The following ARHGEF11 variants were observed in gnomAD, a reference collection of about 807,000 sequenced individuals.
ARHGEF11 encodes the protein Rho guanine nucleotide exchange factor 11.
A neutral mutation model predicts 193.7 loss-of-function variants in ARHGEF11; 55 were observed. The ratio of observed to expected loss-of-function variants is 0.28; its 90% CI spans 0.23 to 0.36. The LOEUF (loss-of-function observed/expected upper bound fraction) is 0.36, where lower values mean the gene tolerates loss of function less well. Among genes scored for constraint, ARHGEF11 ranks in the 10% least tolerant of loss-of-function variants. The probability of loss-of-function intolerance (pLI) is 1.00; values close to 1 mark genes in which losing one functional copy is unlikely to be tolerated. For synonymous variants in ARHGEF11, 693 were observed against 768.0 expected (o/e 0.90, Z 1.62); for missense variants, 1,723 against 2,005.6 (o/e 0.86, Z 2.69).
chr1:156,945,727 C>T, intron 29 of ARHGEF11: 1 of 317,228 alleles, frequency 3.2e-6, no homozygotes, highest in South Asian at 4.1e-5. Context: ...TAAAATCCAG[C>T]CCCATGCAAC....
In ARHGEF11 at chr1:156,945,180, C is replaced by T. The variant is rs1233308430; in HGVS notation, c.2830G>A (p.Glu944Lys). Residue 944 changes from glutamate to lysine, a missense_variant, in exon 30 of 41, where the codon GAG (glutamate) becomes AAG (lysine). Physicochemically the swap from Glu to Lys is moderately conservative, Grantham distance 56 (BLOSUM62 1). Coordinates refer to ENST00000368194, the MANE Select transcript of ARHGEF11 (RefSeq NM_198236.3). ...KHTEGGTSEH[E>K]KLCRARDQCR... The stretch of plus-strand genomic sequence containing the variant: ...TGGTCCCGGGCCCGGCACAGCTTCT[C>T]ATGCTCAGAGGTGCCACCTACCAAA... 1.2e-6 allele frequency: 2 copies of T among 1,613,948 alleles called. No homozygotes were observed. Among genetic ancestry groups the T allele is most frequent in the Non-Finnish European group, 8.5e-7 (1 of 1,179,904 alleles).
At position 156,938,518 on chromosome 1, in the gene ARHGEF11, AC is replaced by A; in HGVS notation, c.4097-6del. 11 of 1,611,428 alleles carry A rather than the reference AC, an allele frequency of 6.8e-6. No individual in the cohort carries two copies. Among genetic ancestry groups the A allele is most frequent in the Non-Finnish European group, 8.5e-6 (10 of 1,178,310 alleles). The stretch of plus-strand genomic sequence containing the variant: ...CCTTGCTGCCTGCCACCTCAGCTGC[AC>A]CGACACCACCACCACCAGGAAGAGG... On this transcript the variant is annotated splice_region_variant and splice_polypyrimidine_tract_variant and intron_variant, in intron 37 of 40. Coordinates refer to ENST00000368194, the MANE Select transcript of ARHGEF11 (RefSeq NM_198236.3).
At chr1:156,998,436 G>C (rs1666822139) in intron 1 of ARHGEF11, among the ~76,000 whole-genome samples, 1 of 152,226 alleles carries the variant, frequency 6.6e-6, no homozygotes, top group African/African-American at 2.4e-5. Flanking sequence ...AGTTAGAACA[G>C]GCCTGGCTCT....
intron 34 of ARHGEF11, 138 bp downstream of exon 34, chr1:156,941,726 G>T (rs1039340947): frequency 7.7e-7 from 1 of 1,306,866 alleles, no homozygotes; most frequent in East Asian, 2.3e-5. Context: ...CCATCTGCCA[G>T]CACTTGGAGC....
intron 1 of ARHGEF11, among the ~76,000 whole-genome samples, chr1:157,030,699 C>T (rs1038698010): frequency 5.9e-5 from 9 of 152,020 alleles, no homozygotes; most frequent in African/African-American, 2.2e-4. Context: ...AAAAAAAAAT[C>T]CCAACTCCAT....
Position 156,946,115 on chromosome 1 carries a change from G to A in ARHGEF11, c.2742C>T (p.Leu914=). The A allele has an allele frequency of 3.1e-6, 5 of 1,613,646 alleles. No individual in the cohort carries two copies. The highest frequency in any genetic ancestry group is 1.7e-4 in the Middle Eastern group (1 of 6,048). ...TGAGCCGCTGCATCTCAGAGATGATGAGGTCTCTCAGCTGCAGCCGCCGAC... is the reference window on the plus strand; with the variant it reads ...TGAGCCGCTGCATCTCAGAGATGATAAGGTCTCTCAGCTGCAGCCGCCGAC... ...PQCRRLQLRD[L]IISEMQRLTK... is the part of the protein sequence containing the mutation. The change falls in exon 29 of 41, where the codon CTC becomes CTT. Residue 914 remains leucine (L), a synonymous_variant. Transcript: ENST00000368194.
chr1:156,967,889 T>A, intron 11 of ARHGEF11, 98 bp downstream of exon 11: 2 of 1,568,434 alleles, frequency 1.3e-6, no homozygotes, highest in Non-Finnish European at 1.7e-6. Context: ...AAGCAGGGGT[T>A]TAGTCTGATG....
chr1:157,000,287 A>G lies in ARHGEF11; in HGVS notation c.33-14114T>C, dbSNP rs550487061. On this transcript the variant is annotated intron_variant, in intron 1 of 40. Coordinates refer to ENST00000368194, the MANE Select transcript of ARHGEF11 (RefSeq NM_198236.3). ...CCTACAGGCATATCTTGTTTTACCT[A>G]ATGTTTTCCTGAAAAGATAAGTAAA... Among the ~76,000 whole-genome samples, 207 of 152,308 alleles carry G rather than the reference A, an allele frequency of 1.4e-3. 1 individual carries two copies. The highest frequency in any genetic ancestry group is 3.4e-3 in the Middle Eastern group (1 of 294).
At chr1:156,952,212 T>A (rs2102005855) in intron 21 of ARHGEF11, among the ~76,000 whole-genome samples, 1 of 152,242 alleles carries the variant, frequency 6.6e-6, no homozygotes, top group Non-Finnish European at 1.5e-5. Flanking sequence ...CACTACAGAA[T>A]CAGACTCTTT....
Position 156,944,724 on chromosome 1 carries a change from T to C in ARHGEF11, c.2992-291A>G, listed in dbSNP as rs902712454. Among the ~76,000 whole-genome samples the C allele has an allele frequency of 3.9e-5, 6 of 152,304 alleles. 1 individual carries two copies. In the South Asian group the frequency reaches 1.2e-3, roughly 32 times the overall value. On this transcript the variant is annotated intron_variant, in intron 30 of 40. Coordinates refer to ENST00000368194, the MANE Select transcript of ARHGEF11 (RefSeq NM_198236.3). ...GATCACATACTGCTTTTCCTGCCCA[T>C]GCCTCCAGCTCTATTCCCTCCCAGA...
chr1:156,970,533 A>G (rs12134308), intron 8 of ARHGEF11, among the ~76,000 whole-genome samples: 29,702 of 152,136 alleles, frequency 0.2, 3,052 homozygotes, highest in East Asian at 0.33. Context: ...TAATCTTTCA[A>G]TGGCTCTGGC....
At chr1:157,035,904 TATGAATCTATATA>T (rs1671914826) in intron 1 of ARHGEF11, among the ~76,000 whole-genome samples, 2 of 47,670 alleles carry the variant, frequency 4.2e-5, no homozygotes, top group South Asian at 5.9e-4. Flanking sequence ...AATATATATA[TATGAATCTATATA>T]TAGGAATATA....
chr1:156,959,684 T>A (rs1440268125), intron 15 of ARHGEF11, among the ~76,000 whole-genome samples: 1 of 152,204 alleles, frequency 6.6e-6, no homozygotes, highest in Non-Finnish European at 1.5e-5. Flanking sequence ...TGCCTGGGCT[T>A]TCCTCCCCGT....
chr1:156,946,725 T>C lies in ARHGEF11; in HGVS notation c.2631A>G (p.Ser877=). ...TGGTCTTGATTAGCTCTAGGGCTAT[T>C]GACTGATAGGAACAGAACTGTGCAG... The part of the protein sequence containing the change: ...QVAAQFCSYQ[S]IALELIKTKQ... The change falls in exon 28 of 41, where the codon TCA becomes TCG. Residue 877 remains serine, a synonymous_variant. Coordinates refer to ENST00000368194, the MANE Select transcript of ARHGEF11 (RefSeq NM_198236.3). 6.2e-7 allele frequency: 1 copy of C among 1,614,188 alleles called. No homozygotes were observed. The highest frequency in any genetic ancestry group is 8.5e-7 in the Non-Finnish European group (1 of 1,180,038).
chr1:157,040,393 A>T (rs978607054), intron 1 of ARHGEF11, among the ~76,000 whole-genome samples: 2 of 152,242 alleles, frequency 1.3e-5, no homozygotes, highest in African/African-American at 4.8e-5. Context: ...GACAGAGAAC[A>T]GTTGCTGGGT....
At chr1:156,941,176 C>G (rs556381743) in intron 35 of ARHGEF11, among the ~76,000 whole-genome samples, 196 bp downstream of exon 35, 52 of 152,176 alleles carry the variant, frequency 3.4e-4, no homozygotes, top group Admixed American at 9.8e-4. Flanking sequence ...GCGAGTTCAC[C>G]CTTTCTTAAG....
At chr1:156,973,981 A>C (rs1404080753) in intron 7 of ARHGEF11, among the ~76,000 whole-genome samples, 1 of 152,122 alleles carries the variant, frequency 6.6e-6, no homozygotes, top group Non-Finnish European at 1.5e-5. Flanking sequence ...ATTAATTCCC[A>C]CAGACTTCAA....
intron 8 of ARHGEF11, among the ~76,000 whole-genome samples, chr1:156,970,913 C>T (rs1159706468): frequency 6.6e-6 from 1 of 152,228 alleles, no homozygotes; most frequent in Non-Finnish European, 1.5e-5. Flanking sequence ...TCCTACCTAT[C>T]AGCCATGTAA....
At chr1:156,991,695 C>CT (rs899110710) in intron 1 of ARHGEF11, among the ~76,000 whole-genome samples, 7 of 122,546 alleles carry the variant, frequency 5.7e-5, no homozygotes, top group Admixed American at 4.1e-4. Flanking sequence ...TTAGGGTTTT[C>CT]TTTTTTTCAA....
Sources: allele counts gnomAD v4.1 joint callset (sites outside exome capture counted in the v4.1 genomes callset), GRCh38; gene constraint gnomAD v4.1.1; transcripts MANE v1.5; gene names NCBI Gene and HGNC (gene_info 2026-07-23, HGNC 2026-07-21).